The following SEMA3E variants were observed in gnomAD, a reference collection of about 807,000 sequenced individuals.
SEMA3E encodes the protein semaphorin 3E.
Under a neutral mutation model 93.6 loss-of-function variants are expected in SEMA3E, and 49 were observed. That is an observed-to-expected ratio of 0.52 (90% CI 0.42 to 0.66). The LOEUF (loss-of-function observed/expected upper bound fraction) is 0.66. Among genes scored for constraint, SEMA3E ranks in the 30% least tolerant of loss-of-function variants. The probability of loss-of-function intolerance (pLI) is 0.00; values close to 1 mark genes in which losing one functional copy is unlikely to be tolerated. For synonymous variants in SEMA3E, 363 were observed against 330.7 expected (o/e 1.10, Z -1.06); for missense variants, 906 against 964.8 (o/e 0.94, Z 0.81).
intron 1 of SEMA3E, among the ~76,000 whole-genome samples, chr7:83,491,404 T>C (rs945674994): frequency 3.9e-5 from 6 of 152,024 alleles, no homozygotes; most frequent in African/African-American, 9.7e-5. Context: ...GTATTAATAA[T>C]ATATTCCTTA....
chr7:83,629,262 C>G (rs904394467), intron 1 of SEMA3E, among the ~76,000 whole-genome samples: 4 of 152,202 alleles, frequency 2.6e-5, no homozygotes, highest in African/African-American at 9.6e-5. Flanking sequence ...TGGGAGGTAT[C>G]TTCCCATCAG....
chr7:83,460,468 A>T (rs921778044), intron 4 of SEMA3E, among the ~76,000 whole-genome samples: 1 of 151,878 alleles, frequency 6.6e-6, no homozygotes, highest in Non-Finnish European at 1.5e-5. Flanking sequence ...GTGTTTAATC[A>T]TTGCAGGGAC....
At chr7:83,467,003 T>A (rs1277839664) in intron 3 of SEMA3E, among the ~76,000 whole-genome samples, 1 of 151,570 alleles carries the variant, frequency 6.6e-6, no homozygotes, top group East Asian at 1.9e-4. Flanking sequence ...CAGCATAAAG[T>A]CATTAAAACC....
At chr7:83,380,384 G>A (rs1257251933) in intron 16 of SEMA3E, among the ~76,000 whole-genome samples, 1 of 151,800 alleles carries the variant, frequency 6.6e-6, no homozygotes, top group African/African-American at 2.4e-5. Flanking sequence ...AATAATTTGT[G>A]TACACAGTCA....
intron 1 of SEMA3E, among the ~76,000 whole-genome samples, chr7:83,500,514 C>T (rs1183873227): frequency 6.6e-5 from 10 of 151,024 alleles, no homozygotes; most frequent in South Asian, 2.1e-4. Flanking sequence ...AGGAATCCTA[C>T]CAAATGCTTT....
chr7:83,408,339 A>G (rs1476097439), intron 6 of SEMA3E, 29 bp downstream of exon 6: 2 of 1,613,378 alleles, frequency 1.2e-6, no homozygotes, highest in Non-Finnish European at 1.7e-6. Context: ...TTTCAATCCT[A>G]ATTCACATAC....
intron 13 of SEMA3E, among the ~76,000 whole-genome samples, chr7:83,393,807 C>T (rs777748810): frequency 2.0e-5 from 3 of 152,042 alleles, no homozygotes; most frequent in African/African-American, 4.8e-5. Context: ...TTTCCTTGCA[C>T]ACTATTGGAT....
At chr7:83,464,364 C>T (rs1408670780) in intron 4 of SEMA3E, among the ~76,000 whole-genome samples, 3 of 150,674 alleles carry the variant, frequency 2.0e-5, no homozygotes, top group African/African-American at 2.4e-5. Flanking sequence ...ACCAGACCAA[C>T]TTAGACTGTG....
At chr7:83,582,469 T>C (rs932646569) in intron 1 of SEMA3E, among the ~76,000 whole-genome samples, 4 of 152,060 alleles carry the variant, frequency 2.6e-5, no homozygotes, top group African/African-American at 9.7e-5. Flanking sequence ...AAACCACTCT[T>C]TTCCTCTGTT....
chr7:83,386,294 G>A (rs141869964), intron 15 of SEMA3E, among the ~76,000 whole-genome samples: 230 of 152,138 alleles, frequency 1.5e-3, no homozygotes, highest in Non-Finnish European at 2.8e-3. Context: ...TATAGCCACC[G>A]CTGGTTTCTC....
intron 1 of SEMA3E, among the ~76,000 whole-genome samples, chr7:83,624,860 C>G (rs1038116687): frequency 6.6e-6 from 1 of 151,978 alleles, no homozygotes; most frequent in African/African-American, 2.4e-5. Context: ...GGTTTTAGGT[C>G]TTACATTTAA....
At chr7:83,499,555 T>C (rs547335600) in intron 1 of SEMA3E, among the ~76,000 whole-genome samples, 1 of 152,204 alleles carries the variant, frequency 6.6e-6, no homozygotes, top group African/African-American at 2.4e-5. Flanking sequence ...TTGCCCATAT[T>C]TGAATTTAAG....
intron 1 of SEMA3E, among the ~76,000 whole-genome samples, chr7:83,508,929 T>C (rs2115638145): frequency 6.6e-6 from 1 of 152,306 alleles, no homozygotes; most frequent in Non-Finnish European, 1.5e-5. Flanking sequence ...GCAAATTCGT[T>C]AAGTACATTA....
chr7:83,477,647 A>AC (rs1359611150), intron 2 of SEMA3E, among the ~76,000 whole-genome samples: 1 of 152,132 alleles, frequency 6.6e-6, no homozygotes, highest in Non-Finnish European at 1.5e-5. Flanking sequence ...TGATAACTAC[A>AC]CACAAACATT....
At chr7:83,621,482 T>A (rs780440939) in intron 1 of SEMA3E, among the ~76,000 whole-genome samples, 19 of 152,086 alleles carry the variant, frequency 1.2e-4, no homozygotes, top group Non-Finnish European at 2.2e-4. Flanking sequence ...CTTCACAGAA[T>A]TAGAAAAAAA....
At chr7:83,458,175 A>G (rs993425483) in intron 4 of SEMA3E, among the ~76,000 whole-genome samples, 1 of 151,660 alleles carries the variant, frequency 6.6e-6, no homozygotes, top group African/African-American at 2.4e-5. Context: ...TTCTAATATG[A>G]CTCAAATATT....
chr7:83,616,114 A>G (rs879656351), intron 1 of SEMA3E, among the ~76,000 whole-genome samples: 1 of 152,122 alleles, frequency 6.6e-6, no homozygotes, highest in Non-Finnish European at 1.5e-5. Context: ...GATTTCAATA[A>G]TTATGTTCAG....
intron 1 of SEMA3E, among the ~76,000 whole-genome samples, chr7:83,553,123 G>A (rs559522287): frequency 6.6e-5 from 10 of 152,100 alleles, no homozygotes; most frequent in East Asian, 1.9e-4. Flanking sequence ...CAGTCCTACC[G>A]ATAGGTGATG....
At chr7:83,642,567 T>C (rs1240631469) in intron 1 of SEMA3E, among the ~76,000 whole-genome samples, 1 of 152,106 alleles carries the variant, frequency 6.6e-6, no homozygotes, top group Non-Finnish European at 1.5e-5. Flanking sequence ...CTATCATGAG[T>C]GCAAAGAATA....
Sources: allele counts gnomAD v4.1 joint callset (sites outside exome capture counted in the v4.1 genomes callset), GRCh38; gene constraint gnomAD v4.1.1; transcripts MANE v1.5; gene names NCBI Gene and HGNC (gene_info 2026-07-23, HGNC 2026-07-21).